Variants in PPM1L observed in about 807,000 individuals in gnomAD.
PPM1L encodes protein phosphatase 1L.
Under a neutral mutation model 31.4 loss-of-function variants are expected in PPM1L, and 13 were observed. The ratio of observed to expected loss-of-function variants is 0.41; its 90% CI spans 0.27 to 0.66. PPM1L has a LOEUF of 0.66. PPM1L is among the 30% of genes least tolerant of loss of function. The pLI is 0.29. For synonymous variants in PPM1L, 184 were observed against 175.4 expected (o/e 1.05, Z -0.39); for missense variants, 326 against 453.7 (o/e 0.72, Z 2.56).
intron 1 of PPM1L, among the ~76,000 whole-genome samples, chr3:160,901,000 C>G (rs1349141911): frequency 6.6e-6 from 1 of 152,080 alleles, no homozygotes; most frequent in Non-Finnish European, 1.5e-5. Flanking sequence ...GTTCTTTTAG[C>G]TCAATGGACA....
intron 1 of PPM1L, among the ~76,000 whole-genome samples, chr3:160,810,922 C>T (rs1042375147): frequency 1.3e-5 from 2 of 152,086 alleles, no homozygotes; most frequent in South Asian, 2.1e-4. Context: ...ATAAAATGAA[C>T]GGAAAATATT....
chr3:160,912,116 G>C lies in PPM1L; in HGVS notation c.400-49620G>C, dbSNP rs116756565. Among the ~76,000 whole-genome samples the C allele has an allele frequency of 8.4e-3, 1,277 of 152,268 alleles. 20 individuals carry two copies. Among genetic ancestry groups the C allele is most frequent in the African/African-American group, 0.03 (1,239 of 41,556 alleles). ...GCAAAGCCATAAAATGTGTGGTTTTGATGAGGTTAGAATCATGCCTGAAAG... is the reference window on the plus strand; with the variant it reads ...GCAAAGCCATAAAATGTGTGGTTTTCATGAGGTTAGAATCATGCCTGAAAG... On this transcript the variant is annotated intron_variant, in intron 1 of 3. Coordinates refer to ENST00000498165, the MANE Select transcript of PPM1L (RefSeq NM_139245.4).
intron 1 of PPM1L, among the ~76,000 whole-genome samples, chr3:160,786,233 T>C (rs1358965202): frequency 1.9e-5 from 2 of 103,774 alleles, no homozygotes; most frequent in African/African-American, 9.0e-5. Context: ...TTTTTTTTTT[T>C]TTAAGACAGA....
intron 2 of PPM1L, among the ~76,000 whole-genome samples, chr3:161,047,556 T>C (rs1438529161): frequency 6.6e-6 from 1 of 152,216 alleles, no homozygotes; most frequent in Non-Finnish European, 1.5e-5. Flanking sequence ...AAGCTACCAA[T>C]GACTTTCTTC....
intron 2 of PPM1L, among the ~76,000 whole-genome samples, chr3:161,019,899 C>T (rs115667913): frequency 0.019 from 2,834 of 152,158 alleles, 78 homozygotes; most frequent in African/African-American, 0.063. Flanking sequence ...GCCAAGGCAG[C>T]GGATCACCAG....
chr3:160,923,344 G>A (rs966988954), intron 1 of PPM1L, among the ~76,000 whole-genome samples: 1 of 151,994 alleles, frequency 6.6e-6, no homozygotes, highest in African/African-American at 2.4e-5. Flanking sequence ...TCCATTTGAC[G>A]GTACTTTCTG....
At chr3:160,990,175 G>GT (rs1280774198) in intron 2 of PPM1L, among the ~76,000 whole-genome samples, 1 of 151,488 alleles carries the variant, frequency 6.6e-6, no homozygotes, top group Middle Eastern at 3.5e-3. Context: ...TTTTTTGTTT[G>GT]TTTTTTGTAA....
chr3:161,076,648 T>C lies in PPM1L; in HGVS notation c.*7491T>C, dbSNP rs986385022. ...CACAACTGCAGTTCAGGTCACAGAA[T>C]TGAAATCTATTTGATAATGTCTCAG... On this transcript the variant is annotated 3_prime_UTR_variant, in exon 4 of 4. Coordinates refer to ENST00000498165, the MANE Select transcript of PPM1L (RefSeq NM_139245.4). The C allele has an allele frequency of 2.4e-4, 37 of 151,978 alleles. No individual in the cohort carries two copies. Among genetic ancestry groups the C allele is most frequent in the African/African-American group, 2.9e-4 (12 of 41,376 alleles). The allele number at this position is 151,978 out of a possible 1,614,324, so 9.4% of individuals were successfully genotyped here.
intron 2 of PPM1L, among the ~76,000 whole-genome samples, chr3:160,969,074 G>A (rs1448747092): frequency 6.6e-6 from 1 of 152,170 alleles, no homozygotes; most frequent in Non-Finnish European, 1.5e-5. Flanking sequence ...TATCAGAGTT[G>A]GGAGCCTGCA....
At chr3:160,919,743 G>GA (rs1169450119) in intron 1 of PPM1L, among the ~76,000 whole-genome samples, 6 of 151,894 alleles carry the variant, frequency 4.0e-5, no homozygotes, top group South Asian at 4.2e-4. Context: ...CCCCCTTTCA[G>GA]AAAAAAAGCT....
chr3:160,991,570 T>A (rs999191800), intron 2 of PPM1L, among the ~76,000 whole-genome samples: 1 of 152,164 alleles, frequency 6.6e-6, no homozygotes, highest in African/African-American at 2.4e-5. Context: ...CTTGATGAAA[T>A]TTTTTTAAAT....
At position 161,067,450 on chromosome 3, in the gene PPM1L, A is replaced by G. The variant is rs1264657399; in HGVS notation, c.737-1361A>G. ...GACATCTTTCCCCCTCCTGCTTAGC[A>G]TGACAGTAAGGTCCAGCCAGTCTGG... On this transcript the variant is annotated intron_variant, in intron 3 of 3. Transcript: ENST00000498165. Among the ~76,000 whole-genome samples, 6 of 152,298 alleles carry G rather than the reference A, an allele frequency of 3.9e-5. No homozygotes were observed. The East Asian group carries it at 9.6e-4, about 24-fold the overall frequency.
In PPM1L at chr3:160,961,815, A is replaced by G; in HGVS notation, c.479A>G (p.Asn160Ser). 2 of 1,602,554 alleles carry G rather than the reference A, an allele frequency of 1.2e-6. No individual in the cohort carries two copies. Among genetic ancestry groups the G allele is most frequent in the Non-Finnish European group, 1.7e-6 (2 of 1,175,206 alleles). Reference protein sequence around the residue: ...HLQDYEKDKENSVLSYQTILE... With the variant: ...HLQDYEKDKESSVLSYQTILE... ...CAGGACTACGAGAAAGACAAAGAAA[A>G]TAGTGTATTATCTTACCAGACCATC... The change falls in exon 2 of 4, where the codon AAT becomes AGT. Residue 160 changes from asparagine to serine, a missense_variant. Asn to Ser is a conservative substitution (Grantham distance 46). This residue lies in a region of PPM1L where 201 missense variants were observed against 298.2 expected (regional missense o/e 0.67). Coordinates refer to ENST00000498165, the MANE Select transcript of PPM1L (RefSeq NM_139245.4).
intron 1 of PPM1L, among the ~76,000 whole-genome samples, chr3:160,783,594 C>T (rs1348398259): frequency 3.4e-5 from 4 of 117,408 alleles, no homozygotes; most frequent in African/African-American, 1.3e-4. Flanking sequence ...GAGCGAAACT[C>T]CATCTCAAAA....
intron 1 of PPM1L, among the ~76,000 whole-genome samples, chr3:160,856,477 A>G (rs148972322): frequency 6.6e-5 from 10 of 152,316 alleles, no homozygotes; most frequent in Non-Finnish European, 1.3e-4. Flanking sequence ...ACACAGGCAT[A>G]AAAAAAGAAT....
intron 3 of PPM1L, among the ~76,000 whole-genome samples, chr3:161,067,182 C>G (rs1719765191): frequency 6.6e-6 from 1 of 152,198 alleles, no homozygotes; most frequent in Admixed American, 6.5e-5. Context: ...TCAGTGCTCT[C>G]TTTTGAAATA....
chr3:161,051,373 TACAC>T (rs5853922), intron 2 of PPM1L, among the ~76,000 whole-genome samples: 9,453 of 147,148 alleles, frequency 0.064, 430 homozygotes, highest in African/African-American at 0.13. Flanking sequence ...ATTTAGTCAC[TACAC>T]ACACACACAC....
chr3:161,076,843 A>AAT lies in PPM1L; in HGVS notation c.*7687_*7688dup, dbSNP rs537259331. ...TCACATACATAATTTGTATAAGGAA[A>AAT]ATGTATGAGTTTTTTTCTTAAAAAT... On this transcript the variant is annotated 3_prime_UTR_variant, in exon 4 of 4. Transcript: ENST00000498165. 1.2e-3 allele frequency: 188 copies of AAT among 152,184 alleles called. 1 individual carries two copies. The highest frequency in any genetic ancestry group is 4.4e-3 in the African/African-American group (184 of 41,414). 9.4% of individuals were successfully genotyped at this position (152,184 alleles called of 1,614,324 possible).
intron 2 of PPM1L, among the ~76,000 whole-genome samples, chr3:161,008,354 A>G (rs1382953128): frequency 6.6e-6 from 1 of 152,176 alleles, no homozygotes; most frequent in African/African-American, 2.4e-5. Context: ...AATCTATTAG[A>G]ATTAGATCAT....
Sources: gnomAD v4.1 joint callset for allele counts (sites outside exome capture counted in the v4.1 genomes callset) on GRCh38, gnomAD v4.1.1 for gene constraint, gnomAD v4.1.1 regional missense constraint, MANE v1.5 for transcripts, NCBI Gene and HGNC (gene_info 2026-07-23, HGNC 2026-07-21) for gene names.